The following B3GALT5 variants were observed in gnomAD, a reference collection of about 807,000 sequenced individuals.
The protein encoded by B3GALT5 is UDP-Gal:betaGlcNAc beta 1,3-galactosyltransferase, polypeptide 5.
For missense variants in B3GALT5, 328 were observed against 396.6 expected (o/e 0.83, Z 1.47); for synonymous variants, 156 against 158.6 (o/e 0.98, Z 0.12).
chr21:39,641,099 A>G (rs756661658), intron 1 of B3GALT5, among the ~76,000 whole-genome samples: 50 of 152,338 alleles, frequency 3.3e-4, no homozygotes, highest in Middle Eastern at 6.8e-3. Context: ...CCAGTATAAT[A>G]TAGTGGTGAG....
Position 39,672,535 on chromosome 21 carries a change from C to T in B3GALT5, c.*11043C>T, listed in dbSNP as rs2079639297. ...TGTATTTTGGAAATGGGTATATGTC[C>T]TTATTATTGGTTAATAATCATATTT... is the stretch of plus-strand genomic sequence containing the variant. On this transcript the variant is annotated 3_prime_UTR_variant, in exon 4 of 4. Transcript: ENST00000684187. 6.6e-6 allele frequency: 1 copy of T among 152,076 alleles called. No individual in the cohort carries two copies. The highest frequency in any genetic ancestry group is 2.1e-4 in the South Asian group (1 of 4,812). The allele number at this position is 152,076 out of a possible 1,614,324, so 9.4% of individuals were successfully genotyped here.
intron 1 of B3GALT5, among the ~76,000 whole-genome samples, chr21:39,617,774 G>A (rs559857545): frequency 6.6e-6 from 1 of 152,246 alleles, no homozygotes; most frequent in African/African-American, 2.4e-5. Context: ...ATCAGCTATC[G>A]TTAGTGTTAG....
intron 2 of B3GALT5, among the ~76,000 whole-genome samples, chr21:39,647,418 T>C (rs1292539753): frequency 6.6e-6 from 1 of 152,180 alleles, no homozygotes; most frequent in East Asian, 1.9e-4. Flanking sequence ...TACTCCCTTG[T>C]TTTAATTAAT....
intron 2 of B3GALT5, among the ~76,000 whole-genome samples, chr21:39,653,356 C>G (rs1486889734): frequency 6.6e-6 from 1 of 152,230 alleles, no homozygotes; most frequent in African/African-American, 2.4e-5. Flanking sequence ...TTTATTGCCT[C>G]TTGGCTCCAA....
At chr21:39,638,916 A>G (rs1225235562) in intron 1 of B3GALT5, among the ~76,000 whole-genome samples, 2 of 152,184 alleles carry the variant, frequency 1.3e-5, no homozygotes, top group African/African-American at 2.4e-5. Context: ...GTGTGTGACT[A>G]GGAGAGGGAT....
intron 1 of B3GALT5, among the ~76,000 whole-genome samples, chr21:39,645,812 C>T (rs1213217681): frequency 6.6e-6 from 1 of 152,124 alleles, no homozygotes; most frequent in Non-Finnish European, 1.5e-5. Context: ...AATTCACTGT[C>T]AGCATCCCTG....
intron 1 of B3GALT5, among the ~76,000 whole-genome samples, chr21:39,617,068 G>A (rs962019367): frequency 1.3e-5 from 2 of 152,156 alleles, no homozygotes; most frequent in Non-Finnish European, 2.9e-5. Flanking sequence ...CATTGTTGAA[G>A]CTCCCTCTGT....
intron 1 of B3GALT5, among the ~76,000 whole-genome samples, chr21:39,638,531 C>A (rs1339460747): frequency 6.6e-6 from 1 of 152,154 alleles, no homozygotes; most frequent in Non-Finnish European, 1.5e-5. Context: ...AGAGTTTCTT[C>A]CATTCAATAA....
At chr21:39,658,957 C>T (rs890330152) in intron 2 of B3GALT5, among the ~76,000 whole-genome samples, 3 of 152,220 alleles carry the variant, frequency 2.0e-5, no homozygotes, top group African/African-American at 7.2e-5. Flanking sequence ...ATAACCAGCT[C>T]TTGGCTGGGC....
At chr21:39,639,406 TTC>T (rs1569212408) in intron 1 of B3GALT5, among the ~76,000 whole-genome samples, 96 of 76,592 alleles carry the variant, frequency 1.3e-3, no homozygotes, top group East Asian at 6.6e-3. Flanking sequence ...TTCTTTTTCT[TTC>T]TTTCTTTCTT....
intron 1 of B3GALT5, among the ~76,000 whole-genome samples, chr21:39,638,000 C>T (rs2079241110): frequency 6.6e-6 from 1 of 152,084 alleles, no homozygotes; most frequent in African/African-American, 2.4e-5. Flanking sequence ...CCTTTTGGGT[C>T]CACTTGTCAT....
At chr21:39,651,454 C>G (rs529342845) in intron 2 of B3GALT5, among the ~76,000 whole-genome samples, 1 of 152,312 alleles carries the variant, frequency 6.6e-6, no homozygotes, top group African/African-American at 2.4e-5. Flanking sequence ...TTGAGCCCTG[C>G]CTTCCTCTTC....
At position 39,669,792 on chromosome 21, in the gene B3GALT5, C is replaced by G. The variant is rs1000520135; in HGVS notation, c.*8300C>G. 1 of 152,190 alleles carries G rather than the reference C, an allele frequency of 6.6e-6. No individual in the cohort carries two copies. The highest frequency in any genetic ancestry group is 1.5e-5 in the Non-Finnish European group (1 of 68,056). 9.4% of individuals were successfully genotyped at this position (152,190 alleles called of 1,614,324 possible). The stretch of plus-strand genomic sequence containing the variant: ...CCCTCGGCCTCCAAATGCTGCCTCC[C>G]GCGAGCAGCCTTGCTTTTCTCCACT... On this transcript the variant is annotated 3_prime_UTR_variant, in exon 4 of 4. Coordinates refer to ENST00000684187, the MANE Select transcript of B3GALT5 (RefSeq NM_001356336.2).
At chr21:39,615,698 C>T (rs1019361034) in intron 1 of B3GALT5, among the ~76,000 whole-genome samples, 4 of 152,052 alleles carry the variant, frequency 2.6e-5, no homozygotes, top group South Asian at 2.1e-4. Flanking sequence ...GCCTCAGTTT[C>T]GTTAATTGAA....
chr21:39,639,176 G>A (rs1350725268), intron 1 of B3GALT5, among the ~76,000 whole-genome samples: 2 of 152,148 alleles, frequency 1.3e-5, no homozygotes, highest in Non-Finnish European at 2.9e-5. Context: ...TGTAGGTGAG[G>A]TGCCACCTCT....
At chr21:39,628,924 G>A (rs909662780) in intron 1 of B3GALT5, among the ~76,000 whole-genome samples, 1 of 152,118 alleles carries the variant, frequency 6.6e-6, no homozygotes, top group Non-Finnish European at 1.5e-5. Context: ...GGTTAACTGT[G>A]CCCAGAGTCT....
intron 1 of B3GALT5, among the ~76,000 whole-genome samples, chr21:39,639,346 C>CTTTCTTTCTTTCTTTT (rs1569212166): frequency 5.1e-4 from 59 of 114,582 alleles, no homozygotes; most frequent in Middle Eastern, 8.0e-3. Flanking sequence ...TTCTTTCTTT[C>CTTTCTTTCTTTCTTTT]TTTCCTTCCT....
intron 1 of B3GALT5, among the ~76,000 whole-genome samples, chr21:39,639,347 T>TTTCCTTCCTTCCTTCCTTCCTTCC (rs71184690): frequency 1.5e-5 from 1 of 66,738 alleles, no homozygotes; most frequent in African/African-American, 6.2e-5. Context: ...TCTTTCTTTC[T>TTTCCTTCCTTCCTTCCTTCCTTCC]TTCCTTCCTT....
intron 1 of B3GALT5, among the ~76,000 whole-genome samples, chr21:39,614,606 G>A (rs2079097839): frequency 6.6e-6 from 1 of 152,160 alleles, no homozygotes; most frequent in Non-Finnish European, 1.5e-5. Flanking sequence ...ACCTCACCAT[G>A]GCCAAACTTC....
Sources: allele counts gnomAD v4.1 joint callset (sites outside exome capture counted in the v4.1 genomes callset), GRCh38; gene constraint gnomAD v4.1.1; transcripts MANE v1.5; gene names NCBI Gene and HGNC (gene_info 2026-07-23, HGNC 2026-07-21).